The following RP1 variants were observed in gnomAD, a reference collection of about 807,000 sequenced individuals.
The protein encoded by RP1 is RP1 axonemal microtubule associated, also known as oxygen-regulated protein 1.
Under a neutral mutation model 14.8 loss-of-function variants are expected in RP1, and 16 were observed. That is an observed-to-expected ratio of 1.08 (90% CI 0.73 to 1.65). The LOEUF is 1.65. RP1 is among the 40% of genes most tolerant of loss of function. The pLI, the probability that RP1 is intolerant of heterozygous loss-of-function variation, is 0.00. For missense variants in RP1, 2,631 were observed against 2,535.0 expected, an observed-to-expected ratio of 1.04 and a Z score of -0.81; for synonymous variants, 876 against 883.6, an observed-to-expected ratio of 0.99 and a Z score of 0.15.
At chr8:54,773,596 C>T (rs1483383727), downstream of RP1, among the ~76,000 whole-genome samples, 1 of 152,064 alleles carries the variant, frequency 6.6e-6, no homozygotes, top group Non-Finnish European at 1.5e-5. Context: ...TACATGGCAC[C>T]ACTGCACTCT....
intron 24 of RP1, among the ~76,000 whole-genome samples, chr8:54,821,036 C>T (rs931049256): frequency 1.3e-4 from 20 of 151,872 alleles, no homozygotes; most frequent in Non-Finnish European, 1.9e-4. Context: ...TTAAAGCAGA[C>T]GAGTATAGAA....
chr8:54,831,403 T>TTC (rs1173446360), intron 24 of RP1, among the ~76,000 whole-genome samples: 3 of 145,750 alleles, frequency 2.1e-5, no homozygotes, highest in Non-Finnish European at 3.0e-5. Context: ...TATTGTTTCT[T>TTC]TTTTTTTTTT....
At chr8:54,636,471 C>T (rs1195583965) in intron 3 of RP1, among the ~76,000 whole-genome samples, 2 of 152,238 alleles carry the variant, frequency 1.3e-5, no homozygotes, top group South Asian at 2.1e-4. Flanking sequence ...TGCATGGTGG[C>T]TCACGCCTGT....
At chr8:54,772,928 G>T (rs924055876), downstream of RP1, among the ~76,000 whole-genome samples, 2 of 152,114 alleles carry the variant, frequency 1.3e-5, no homozygotes, top group Non-Finnish European at 1.5e-5. Context: ...AATTGTCAGG[G>T]GAGATTATTA....
intron 1 of RP1, among the ~76,000 whole-genome samples, chr8:54,570,986 G>A (rs1246133206): frequency 6.6e-6 from 1 of 152,208 alleles, no homozygotes; most frequent in East Asian, 1.9e-4. Flanking sequence ...GCAGGCAGGA[G>A]GGCTCATGTC....
chr8:54,579,484 C>G (rs1381545200), intron 1 of RP1, among the ~76,000 whole-genome samples: 1 of 152,140 alleles, frequency 6.6e-6, no homozygotes, highest in Non-Finnish European at 1.5e-5. Flanking sequence ...TGGCATTTCC[C>G]CCCCAGTAGA....
At chr8:54,789,642 C>T (rs1810412518) in intron 24 of RP1, among the ~76,000 whole-genome samples, 1 of 152,194 alleles carries the variant, frequency 6.6e-6, no homozygotes, top group South Asian at 2.1e-4. Flanking sequence ...CAATAAAACC[C>T]AGCCTATGGT....
rs184279444 is a variant in RP1, at chr8:54,684,290, T to A, written c.1717+4357T>A. On this transcript the variant is annotated intron_variant, in intron 12 of 22. Transcript: ENST00000636932. ...AAGTTTTCTTTTTTTGTTGTATCTC[T>A]GCCAGGTTTTGCTATCAGAATGATG... 3.3e-5 allele frequency among the ~76,000 whole-genome samples: 5 copies of A among 152,310 alleles called. No individual in the cohort carries two copies. The East Asian group carries it at 9.7e-4, about 29-fold the overall frequency.
intron 26 of RP1, among the ~76,000 whole-genome samples, chr8:54,853,224 C>A (rs1470806632): frequency 6.6e-6 from 1 of 152,086 alleles, no homozygotes; most frequent in African/African-American, 2.4e-5. Flanking sequence ...TAGGAGGCCT[C>A]ATGGGGCTGG....
At chr8:54,738,509 T>C (rs1210325165) in intron 18 of RP1, among the ~76,000 whole-genome samples, 4 of 152,214 alleles carry the variant, frequency 2.6e-5, no homozygotes, top group Admixed American at 6.5e-5. Context: ...AAGGAAGTTC[T>C]AGACTCACAC....
intron 14 of RP1, among the ~76,000 whole-genome samples, chr8:54,704,369 A>G (rs1300548217): frequency 6.6e-6 from 1 of 152,226 alleles, no homozygotes; most frequent in Non-Finnish European, 1.5e-5. Flanking sequence ...TAGTGGAGCC[A>G]TTCAGAACAC....
intron 14 of RP1, among the ~76,000 whole-genome samples, chr8:54,702,849 T>C (rs1292212811): frequency 6.6e-6 from 1 of 152,230 alleles, no homozygotes; most frequent in Non-Finnish European, 1.5e-5. Flanking sequence ...GTTCACAGTA[T>C]CTTCATCAGG....
intron 1 of RP1, among the ~76,000 whole-genome samples, chr8:54,570,838 C>G (rs976966539): frequency 1.3e-5 from 2 of 152,190 alleles, no homozygotes; most frequent in Non-Finnish European, 2.9e-5. Context: ...AGACAGCCAT[C>G]AGGCCCAAGA....
chr8:54,759,795 A>G (rs950457620), intron 22 of RP1, among the ~76,000 whole-genome samples: 3 of 152,174 alleles, frequency 2.0e-5, no homozygotes, highest in African/African-American at 4.8e-5. Context: ...TCTCAGTCAC[A>G]GGGAATAGGC....
At position 54,795,119 on chromosome 8, in the gene RP1, G is replaced by A. The variant is rs191818355; in HGVS notation, c.3615+11409G>A. ...GTTTTGGTGAGAATGTGGAGAAAAG[G>A]GAACCCTTGTATATTGCTTGTGGGA... On this transcript the variant is annotated intron_variant, in intron 24 of 28. Transcript: ENST00000637698. Among the ~76,000 whole-genome samples the A allele has an allele frequency of 7.2e-5, 11 of 152,112 alleles. No individual in the cohort carries two copies. The East Asian group carries it at 2.1e-3, about 29-fold the overall frequency.
chr8:54,646,561 A>C (rs1011522738), intron 3 of RP1, among the ~76,000 whole-genome samples: 1 of 152,174 alleles, frequency 6.6e-6, no homozygotes, highest in African/African-American at 2.4e-5. Flanking sequence ...ATTGAAATGT[A>C]AGTTATAAAC....
chr8:54,699,715 G>T lies in RP1; in HGVS notation c.1821+145G>T, dbSNP rs944848138. The stretch of plus-strand genomic sequence containing the variant: ...TCTGTTTTGTTTCACTAATTGTTGA[G>T]ACTGTGATGCATAAATGGTTCCAAA... On this transcript the variant is annotated intron_variant, in intron 13 of 22. Coordinates refer to the RP1 transcript ENST00000636932. 1.2e-5 allele frequency: 5 copies of T among 402,072 alleles called. No individual in the cohort carries two copies. The Admixed American group carries it at 2.2e-4, about 18-fold the overall frequency. 24.9% of individuals were successfully genotyped at this position (402,072 alleles called of 1,614,324 possible).
chr8:54,803,452 G>A (rs1810762982), intron 24 of RP1, among the ~76,000 whole-genome samples: 1 of 152,144 alleles, frequency 6.6e-6, no homozygotes, highest in South Asian at 2.1e-4. Flanking sequence ...TGATGGATTT[G>A]AGATAACTGT....
chr8:54,733,748 G>A (rs1182431245), intron 17 of RP1, among the ~76,000 whole-genome samples: 2 of 152,148 alleles, frequency 1.3e-5, no homozygotes, highest in African/African-American at 4.8e-5. Flanking sequence ...TGCATTTGGG[G>A]TACTTTCAGA....
Sources: gnomAD v4.1 joint callset for allele counts (sites outside exome capture counted in the v4.1 genomes callset) on GRCh38, gnomAD v4.1.1 for gene constraint, MANE v1.5 for transcripts, NCBI Gene and HGNC (gene_info 2026-07-23, HGNC 2026-07-21) for gene names.